SLC39A4: variants seen among roughly 807,000 people sequenced by gnomAD.
SLC39A4 encodes the protein zinc transporter ZIP4.
A neutral mutation model predicts 56.6 loss-of-function variants in SLC39A4; 49 were observed. The observed-to-expected ratio is 0.87, with a 90% CI of 0.69 to 1.10. SLC39A4 has a LOEUF of 1.10. SLC39A4 is among the 50% of genes least tolerant of loss of function. SLC39A4 has a pLI of 0.00. For synonymous variants in SLC39A4, 540 were observed against 420.4 expected, an observed-to-expected ratio of 1.28 and a Z score of -3.48; for missense variants, 993 against 864.2, an observed-to-expected ratio of 1.15 and a Z score of -1.87.
rs1285049551 is a variant in SLC39A4, at chr8:144,414,045, G to GGTGGGCT, written c.1193_1199dup (p.Trp401AlafsTer19). On this transcript the variant is annotated frameshift_variant, in exon 7 of 12. Transcript: ENST00000301305. LOFTEE classifies it high-confidence loss of function. ...CGGCCAGCATAGCCAGGAGGCGCCAGGTGGGCTGTGGGCTGAGGCCCTCTT... is the reference window on the plus strand; with the variant it reads ...CGGCCAGCATAGCCAGGAGGCGCCAGGTGGGCTGTGGGCTGTGGGCTGAGGCCCTCTT... 1.1e-5 allele frequency: 17 copies of GGTGGGCT among 1,578,648 alleles called. No homozygotes were observed. Among genetic ancestry groups the GGTGGGCT allele is most frequent in the Non-Finnish European group, 1.4e-5 (16 of 1,162,164 alleles).
Position 144,412,957 on chromosome 8 carries a change from G to C in SLC39A4, c.1628-11C>G, listed in dbSNP as rs1554872107. 1 of 1,588,432 alleles carries C rather than the reference G, an allele frequency of 6.3e-7. No homozygotes were observed. Among genetic ancestry groups the C allele is most frequent in the East Asian group, 2.3e-5 (1 of 44,076 alleles). On this transcript the variant is annotated splice_polypyrimidine_tract_variant and intron_variant, in intron 10 of 11. Transcript: ENST00000301305. ...AGGCGGCGAAGTCCCCTGCGGGCGA[G>C]TCCACATTAACAGCTCCGCCCTCCT... is the stretch of plus-strand genomic sequence containing the variant.
In SLC39A4 at chr8:144,416,608, G is replaced by A. The variant is rs537547977; in HGVS notation, c.182C>T (p.Pro61Leu). ...LADRVHCANG[P>L]CGKCLSVEDA... ...GGGTGGGGCTGTTACCTTTCCACACGGCCCGTTGGCGCAGTGCACACGGTC... is the reference window on the plus strand; with the variant it reads ...GGGTGGGGCTGTTACCTTTCCACACAGCCCGTTGGCGCAGTGCACACGGTC... Residue 61 changes from proline (P) to leucine (L), a missense_variant, in exon 1 of 12, where the codon CCG (proline) becomes CTG (leucine). Physicochemically the swap from Pro to Leu is moderately conservative, Grantham distance 98. Transcript: ENST00000301305. 6.9e-6 allele frequency: 11 copies of A among 1,588,202 alleles called. No individual in the cohort carries two copies. Among genetic ancestry groups the A allele is most frequent in the South Asian group, 2.3e-5 (2 of 87,924 alleles).
chr8:144,415,955 G>T lies in SLC39A4; in HGVS notation c.329C>A (p.Thr110Asn). The change falls in exon 2 of 12, where the codon ACC (threonine) becomes AAC (asparagine). Residue 110 changes from threonine (T) to asparagine (N), a missense_variant. By Grantham distance (65) the Thr-to-Asn change is moderately conservative. Transcript: ENST00000301305. Reference sequence around the variant, plus strand: ...GAGGCCAGCCCGAGCGTCCTCACAGGTGCCCTCGGGGTTGCTGAGGTACAG... The same window carrying T: ...GAGGCCAGCCCGAGCGTCCTCACAGTTGCCCTCGGGGTTGCTGAGGTACAG... Reference protein sequence around the residue: ...AVLYLSNPEGTCEDARAGLWA... With the variant: ...AVLYLSNPEGNCEDARAGLWA... The T allele has an allele frequency of 6.3e-7, 1 of 1,595,470 alleles. No homozygotes were observed. Among genetic ancestry groups the T allele is most frequent in the African/African-American group, 1.3e-5 (1 of 74,934 alleles).
intron 1 of SLC39A4, 125 bp downstream of exon 1, chr8:144,416,472 GC>G: frequency 6.8e-7 from 1 of 1,472,340 alleles, no homozygotes. Flanking sequence ...GGGTCAGGGT[GC>G]CCAGGTACTG....
intron 8 of SLC39A4, 42 bp downstream of exon 8, chr8:144,413,708 G>A (rs1216332608): frequency 3.9e-6 from 6 of 1,535,476 alleles, no homozygotes; most frequent in Non-Finnish European, 5.2e-6. Flanking sequence ...GGGGTCGGTG[G>A]GAGGGGCTCC....
rs1356475652 is a variant in SLC39A4 at position 144,412,638 on chromosome 8, G to A, written c.1844C>T (p.Pro615Leu). 4 of 1,613,960 alleles carry A rather than the reference G, an allele frequency of 2.5e-6. No homozygotes were observed. The highest frequency in any genetic ancestry group is 2.2e-5 in the East Asian group (1 of 44,882). Residue 615 changes from proline to leucine, a missense_variant, in exon 12 of 12, where the codon CCG becomes CTG. Transcript: ENST00000301305. ...CAGCAGGAAGAGGAGCCAGGGCCGC[G>A]GGTCCCGTACTTTCAACATCGCCGG... is the stretch of plus-strand genomic sequence containing the variant. ...MLPAMLKVRD[P>L]RPWLLFLLHN...
At position 144,415,022 on chromosome 8, in the gene SLC39A4, G is replaced by T; in HGVS notation, c.756C>A (p.Asp252Glu). ...TGCTGGAGCTGATGAGGGGCACAGG[G>T]TCCCGGCTGCTGGCTCCCCTGTGCC... ...SHRHRGASSR[D>E]PVPLISSSNS... is the part of the protein sequence containing the mutation. Residue 252 changes from aspartate to glutamate, a missense_variant, in exon 4 of 12, where the codon GAC (aspartate) becomes GAA (glutamate). Coordinates refer to ENST00000301305, the MANE Select transcript of SLC39A4 (RefSeq NM_130849.4). 6.2e-7 allele frequency: 1 copy of T among 1,611,808 alleles called. No individual in the cohort carries two copies.
At position 144,415,965 on chromosome 8, in the gene SLC39A4, G is replaced by C. The variant is rs1822173974; in HGVS notation, c.319C>G (p.Pro107Ala). Residue 107 changes from proline to alanine, a missense_variant, in exon 2 of 12, where the codon CCC becomes GCC. By Grantham distance (27) the Pro-to-Ala change is conservative. Transcript: ENST00000301305. Reference protein sequence around the residue: ...SAAAVLYLSNPEGTCEDARAG... With the variant: ...SAAAVLYLSNAEGTCEDARAG... ...CGAGCGTCCTCACAGGTGCCCTCGG[G>C]GTTGCTGAGGTACAGGACGGCGGCG... 1 of 1,595,182 alleles carries C rather than the reference G, an allele frequency of 6.3e-7. No individual in the cohort carries two copies. Among genetic ancestry groups the C allele is most frequent in the Non-Finnish European group, 8.5e-7 (1 of 1,173,328 alleles).
At position 144,415,214 on chromosome 8, in the gene SLC39A4, G is replaced by C; in HGVS notation, c.667+13C>G. On this transcript the variant is annotated intron_variant, in intron 3 of 11. Transcript: ENST00000301305. ...CGGGGGTGCCCCCCTCCACAGCCCA[G>C]CCCAGGCCTCACCGGCCAGCGTCAT... is the stretch of plus-strand genomic sequence containing the variant. 6.2e-7 allele frequency: 1 copy of C among 1,612,894 alleles called. No homozygotes were observed. Among genetic ancestry groups the C allele is most frequent in the Non-Finnish European group, 8.5e-7 (1 of 1,179,826 alleles).
chr8:144,413,267 C>A lies in SLC39A4; in HGVS notation c.1597G>T (p.Val533Leu). 3 of 1,593,460 alleles carry A rather than the reference C, an allele frequency of 1.9e-6. No homozygotes were observed. Among genetic ancestry groups the A allele is most frequent in the Non-Finnish European group, 2.6e-6 (3 of 1,174,364 alleles). Residue 533 changes from valine (V) to leucine (L), a missense_variant, in exon 10 of 12, where the codon GTG (valine) becomes TTG (leucine). Transcript: ENST00000301305. The stretch of plus-strand genomic sequence containing the variant: ...TCGTGTGGCAACTCGTGGCAGAACA[C>A]GGCCAGCGAGGTGGCCAGCCCGGTC... ...WKTGLATSLA[V>L]FCHELPHELG...
chr8:144,413,281 G>C lies in SLC39A4; in HGVS notation c.1583C>G (p.Ala528Gly). The C allele has an allele frequency of 6.3e-7, 1 of 1,598,562 alleles. No homozygotes were observed. The highest frequency in any genetic ancestry group is 1.3e-5 in the African/African-American group (1 of 74,974). The change falls in exon 10 of 12, where the codon GCC becomes GGC. Residue 528 changes from alanine to glycine, a missense_variant. Transcript: ENST00000301305. ...AFASSWKTGL[A>G]TSLAVFCHEL... ...GTGGCAGAACACGGCCAGCGAGGTG[G>C]CCAGCCCGGTCTTCCAGGAGGACGC...
intron 1 of SLC39A4, 46 bp downstream of exon 1, chr8:144,416,552 G>A (rs1554874070): frequency 6.5e-7 from 1 of 1,542,174 alleles, no homozygotes; most frequent in South Asian, 1.2e-5. Flanking sequence ...GGCGGAGCTG[G>A]CGGGAAGAGG....
chr8:144,416,610 C>A lies in SLC39A4; in HGVS notation c.180G>T (p.Gly60=), dbSNP rs782219650. ...GTGGGGCTGTTACCTTTCCACACGG[C>A]CCGTTGGCGCAGTGCACACGGTCCG... ...TLADRVHCAN[G]PCGKCLSVED... Residue 60 remains glycine (G), a synonymous_variant, in exon 1 of 12, where the codon GGG becomes GGT. Coordinates refer to ENST00000301305, the MANE Select transcript of SLC39A4 (RefSeq NM_130849.4). 6.3e-7 allele frequency: 1 copy of A among 1,589,806 alleles called. No individual in the cohort carries two copies. Among genetic ancestry groups the A allele is most frequent in the Admixed American group, 1.8e-5 (1 of 55,876 alleles).
chr8:144,413,892 A>C lies in SLC39A4; in HGVS notation c.1288-11T>G. The C allele has an allele frequency of 1.2e-6, 2 of 1,608,704 alleles. No individual in the cohort carries two copies. Among genetic ancestry groups the C allele is most frequent in the Admixed American group, 3.4e-5 (2 of 59,568 alleles). On this transcript the variant is annotated splice_polypyrimidine_tract_variant and intron_variant, in intron 7 of 11. Coordinates refer to ENST00000301305, the MANE Select transcript of SLC39A4 (RefSeq NM_130849.4). ...CCCGTCCTCCAGGTCCTGTGAGGGT[A>C]GGTGCTCAGTGTCCACCAGGCCCCC...
At position 144,413,579 on chromosome 8, in the gene SLC39A4, C is replaced by G. The variant is rs1466779885; in HGVS notation, c.1420-12G>C. The G allele has an allele frequency of 6.4e-7, 1 of 1,550,916 alleles. No individual in the cohort carries two copies. The highest frequency in any genetic ancestry group is 2.0e-5 in the Admixed American group (1 of 51,202). ...CTCTCCTCCGCCACCTGGGAGGAGCCTTGAGTAAGTCCCGCCCGGAAGTGG... is the reference window on the plus strand; with the variant it reads ...CTCTCCTCCGCCACCTGGGAGGAGCGTTGAGTAAGTCCCGCCCGGAAGTGG... On this transcript the variant is annotated splice_polypyrimidine_tract_variant and intron_variant, in intron 8 of 11. Coordinates refer to ENST00000301305, the MANE Select transcript of SLC39A4 (RefSeq NM_130849.4).
rs1418250630 is a variant in SLC39A4, at chr8:144,415,423, G to C, written c.475-4C>G. On this transcript the variant is annotated splice_polypyrimidine_tract_variant and splice_region_variant and intron_variant, in intron 2 of 11. Coordinates refer to ENST00000301305, the MANE Select transcript of SLC39A4 (RefSeq NM_130849.4). ...GCTGAGGGATATCTACGCAGGCCTG[G>C]GGAAGAGGGGGCCTCCGCCTCAGCC... The C allele has an allele frequency of 5.0e-6, 8 of 1,594,676 alleles. No homozygotes were observed. The highest frequency in any genetic ancestry group is 6.8e-6 in the Non-Finnish European group (8 of 1,171,356).
rs1554874127 is a variant in SLC39A4, at chr8:144,416,633, C to T, written c.157G>A (p.Asp53Asn). Residue 53 changes from aspartate (D) to asparagine (N), a missense_variant, in exon 1 of 12, where the codon GAC (aspartate) becomes AAC (asparagine). Physicochemically the swap from Asp to Asn is conservative, Grantham distance 23 (BLOSUM62 1). Coordinates refer to ENST00000301305, the MANE Select transcript of SLC39A4 (RefSeq NM_130849.4). ...GGCCCGTTGGCGCAGTGCACACGGT[C>T]CGCCAGCGTATTTAACAGGCCGCCC... ...ALGGLLNTLA[D>N]RVHCANGPCG... 6.2e-7 allele frequency: 1 copy of T among 1,604,300 alleles called. No homozygotes were observed. The highest frequency in any genetic ancestry group is 8.5e-7 in the Non-Finnish European group (1 of 1,176,468).
rs1554872626 is a variant in SLC39A4, at chr8:144,413,811, T to C, written c.1358A>G (p.Gln453Arg). 3 of 1,576,274 alleles carry C rather than the reference T, an allele frequency of 1.9e-6. No homozygotes were observed. Among genetic ancestry groups the C allele is most frequent in the Non-Finnish European group, 2.6e-6 (3 of 1,166,152 alleles). Residue 453 changes from glutamine to arginine, a missense_variant, in exon 8 of 12, where the codon CAG becomes CGG. Coordinates refer to ENST00000301305, the MANE Select transcript of SLC39A4 (RefSeq NM_130849.4). ...HGGHSHGVSL[Q>R]LAPSELRQPK... is the part of the protein sequence containing the mutation. ...CTGCCGGAGCTCGCTGGGTGCCAGC[T>C]GCAGGGACACACCGTGGCTGTGGCC...
In SLC39A4 at chr8:144,416,580, G is replaced by C. The variant is rs1023260022; in HGVS notation, c.192+18C>G. On this transcript the variant is annotated intron_variant, in intron 1 of 11. Transcript: ENST00000301305. ...GGAAGAGGCCAGGGCTGGGGGACCCGTCGGGTGGGGCTGTTACCTTTCCAC... is the reference window on the plus strand; with the variant it reads ...GGAAGAGGCCAGGGCTGGGGGACCCCTCGGGTGGGGCTGTTACCTTTCCAC... The C allele has an allele frequency of 6.4e-7, 1 of 1,561,798 alleles. No homozygotes were observed. Among genetic ancestry groups the C allele is most frequent in the African/African-American group, 1.4e-5 (1 of 73,896 alleles).
Sources: gnomAD v4.1 joint callset for allele counts on GRCh38, gnomAD v4.1.1 for gene constraint, MANE v1.5 for transcripts, NCBI Gene and HGNC (gene_info 2026-07-23, HGNC 2026-07-21) for gene names.